Variants in SLC30A6 observed in about 807,000 individuals in gnomAD.
SLC30A6 encodes solute carrier family 30 member 6, also known as zinc transporter 6.
A neutral mutation model predicts 63.0 loss-of-function variants in SLC30A6; 55 were observed. That is an observed-to-expected ratio of 0.87 (90% CI 0.70 to 1.09). SLC30A6 has a LOEUF of 1.09. SLC30A6 is among the 50% of genes least tolerant of loss of function. The probability of loss-of-function intolerance (pLI) is 0.00; values close to 1 mark genes in which losing one functional copy is unlikely to be tolerated. For synonymous variants in SLC30A6, 224 were observed against 186.1 expected, an observed-to-expected ratio of 1.20 and a Z score of -1.66; for missense variants, 587 against 549.2, an observed-to-expected ratio of 1.07 and a Z score of -0.69.
In SLC30A6 at chr2:32,171,337, G is replaced by A. The variant is rs1478404110; in HGVS notation, c.54G>A (p.Leu18=). 6.2e-7 allele frequency: 1 copy of A among 1,613,750 alleles called. No individual in the cohort carries two copies. Among genetic ancestry groups the A allele is most frequent in the East Asian group, 2.2e-5 (1 of 44,808 alleles). Residue 18 remains leucine, a synonymous_variant, in exon 2 of 14, where the codon TTG becomes TTA. Coordinates refer to ENST00000282587, the MANE Select transcript of SLC30A6 (RefSeq NM_017964.5). ...RKPQRSFFGK[L]LREFRLVAAD... ...CACAAAGATCCTTTTTTGGCAAGTT[G>A]TTACGGGAATTTAGACTTGTAGCAG... is the stretch of plus-strand genomic sequence containing the variant.
At chr2:32,169,605 C>T (rs72863940) in intron 1 of SLC30A6, among the ~76,000 whole-genome samples, 72,621 of 152,006 alleles carry the variant, frequency 0.48, 17,619 homozygotes, top group East Asian at 0.65. Flanking sequence ...GGTGAAACCC[C>T]GTCTCTACTA....
intron 2 of SLC30A6, 121 bp downstream of exon 2, chr2:32,171,494 C>A: frequency 1.5e-6 from 1 of 688,384 alleles, no homozygotes; most frequent in Non-Finnish European, 2.4e-6. Context: ...TTTCATTTTT[C>A]TATGTTGGAA....
chr2:32,206,921 A>G lies in SLC30A6; in HGVS notation c.804A>G (p.Lys268=), dbSNP rs1374103449. Residue 268 remains lysine (K), a synonymous_variant, in exon 12 of 14, where the codon AAA becomes AAG. Coordinates refer to ENST00000282587, the MANE Select transcript of SLC30A6 (RefSeq NM_017964.5). ...TPPHVIGQLD[K]LIREVSTLDG... ...CCCATGTTATTGGTCAGTTGGACAAACTCATCAGAGAGGTAAGATGGAATA... is the reference window on the plus strand; with the variant it reads ...CCCATGTTATTGGTCAGTTGGACAAGCTCATCAGAGAGGTAAGATGGAATA... The G allele has an allele frequency of 6.2e-7, 1 of 1,609,586 alleles. No homozygotes were observed. The highest frequency in any genetic ancestry group is 8.5e-7 in the Non-Finnish European group (1 of 1,176,042).
At chr2:32,204,256 C>T (rs1367693047) in intron 10 of SLC30A6, among the ~76,000 whole-genome samples, 1 of 152,096 alleles carries the variant, frequency 6.6e-6, no homozygotes, top group Non-Finnish European at 1.5e-5. Flanking sequence ...TTGTCTGTCT[C>T]AAGCAAATAA....
At chr2:32,183,687 C>CA (rs564803931) in intron 4 of SLC30A6, among the ~76,000 whole-genome samples, 64,879 of 109,768 alleles carry the variant, frequency 0.59, 16,812 homozygotes, top group African/African-American at 0.63. Flanking sequence ...GACTCTGTCT[C>CA]AAAAAAAAAA....
chr2:32,188,863 G>A (rs1683074085), intron 5 of SLC30A6, among the ~76,000 whole-genome samples: 1 of 152,124 alleles, frequency 6.6e-6, no homozygotes, highest in Admixed American at 6.6e-5. Context: ...CCTACCAGAA[G>A]TAACTGGTAA....
intron 8 of SLC30A6, among the ~76,000 whole-genome samples, chr2:32,196,831 C>G (rs560326847): frequency 2.0e-5 from 3 of 152,204 alleles, no homozygotes; most frequent in African/African-American, 7.2e-5. Flanking sequence ...GAGGCCGAGG[C>G]AGGTGGATCA....
intron 8 of SLC30A6, 168 bp from the exon 9 acceptor site, chr2:32,197,176 A>G (rs1200557802): frequency 8.3e-6 from 5 of 605,768 alleles, no homozygotes; most frequent in Non-Finnish European, 1.5e-5. Context: ...AATTAGTGGC[A>G]TAAGGGCATA....
At chr2:32,215,019 T>A (rs1685577659) in intron 13 of SLC30A6, among the ~76,000 whole-genome samples, 1 of 152,206 alleles carries the variant, frequency 6.6e-6, no homozygotes, top group Non-Finnish European at 1.5e-5. Context: ...TGACAGTAGC[T>A]CTCTTACTAT....
chr2:32,213,251 C>G (rs1685412457), intron 13 of SLC30A6, among the ~76,000 whole-genome samples: 1 of 150,854 alleles, frequency 6.6e-6, no homozygotes, highest in African/African-American at 2.4e-5. Flanking sequence ...TTTGTCTCAA[C>G]TGTACTACTC....
At chr2:32,178,529 C>T (rs192823415) in intron 4 of SLC30A6, among the ~76,000 whole-genome samples, 48 of 152,154 alleles carry the variant, frequency 3.2e-4, no homozygotes, top group African/African-American at 4.8e-4. Context: ...AAAAATGAGC[C>T]GGGCATGGTG....
chr2:32,177,987 G>A (rs1310660544), intron 4 of SLC30A6, among the ~76,000 whole-genome samples: 3 of 135,680 alleles, frequency 2.2e-5, no homozygotes, highest in Admixed American at 1.6e-4. Flanking sequence ...TCGCTCTGTC[G>A]CCCAGGCTGG....
intron 1 of SLC30A6, among the ~76,000 whole-genome samples, chr2:32,166,217 A>T (rs998657305): frequency 1.3e-5 from 2 of 152,226 alleles, no homozygotes; most frequent in African/African-American, 2.4e-5. Context: ...CAGCGTCAAC[A>T]ACTAGGCCAC....
Position 32,206,924 on chromosome 2 carries a change from C to T in SLC30A6, c.807C>T (p.Leu269=), listed in dbSNP as rs752372002. 6.2e-7 allele frequency: 1 copy of T among 1,608,664 alleles called. No homozygotes were observed. The highest frequency in any genetic ancestry group is 8.5e-7 in the Non-Finnish European group (1 of 1,175,174). The change falls in exon 12 of 14, where the codon CTC becomes CTT. Residue 269 remains leucine (L), a synonymous_variant. Transcript: ENST00000282587. ...ATGTTATTGGTCAGTTGGACAAACTCATCAGAGAGGTAAGATGGAATAGTA... is the reference window on the plus strand; with the variant it reads ...ATGTTATTGGTCAGTTGGACAAACTTATCAGAGAGGTAAGATGGAATAGTA... The part of the protein sequence containing the change: ...PPHVIGQLDK[L]IREVSTLDGV...
intron 13 of SLC30A6, among the ~76,000 whole-genome samples, chr2:32,211,517 A>C (rs1324785346): frequency 6.6e-6 from 1 of 152,054 alleles, no homozygotes; most frequent in Non-Finnish European, 1.5e-5. Context: ...GGATGCCCAA[A>C]AGATTTTTTT....
intron 4 of SLC30A6, among the ~76,000 whole-genome samples, chr2:32,182,649 T>A (rs1682433391): frequency 6.6e-6 from 1 of 152,182 alleles, no homozygotes; most frequent in African/African-American, 2.4e-5. Context: ...GCTATTTTCT[T>A]CCTGTAGGTC....
At chr2:32,206,745 A>T (rs997618936) in intron 11 of SLC30A6, 141 bp from the exon 12 acceptor site, 3 of 609,994 alleles carry the variant, frequency 4.9e-6, no homozygotes, top group Non-Finnish European at 9.0e-6. Context: ...GCCAGTTGAA[A>T]CCTCTCTTCT....
In SLC30A6 at chr2:32,222,122, T is replaced by C. The variant is rs1425430073; in HGVS notation, c.*1409T>C. The stretch of plus-strand genomic sequence containing the variant: ...AAAAATGGGAAATTGTTAACTGTGA[T>C]GAAATGTGAGAATTACATAGATTAT... On this transcript the variant is annotated 3_prime_UTR_variant, in exon 14 of 14. Coordinates refer to ENST00000282587, the MANE Select transcript of SLC30A6 (RefSeq NM_017964.5). The C allele has an allele frequency of 6.6e-6, 1 of 152,178 alleles. No homozygotes were observed. Among genetic ancestry groups the C allele is most frequent in the African/African-American group, 2.4e-5 (1 of 41,414 alleles). The allele number at this position is 152,178 out of a possible 1,614,324, so 9.4% of individuals were successfully genotyped here.
chr2:32,174,152 G>A lies in SLC30A6; in HGVS notation c.175+5G>A, dbSNP rs1428362389. On this transcript the variant is annotated splice_donor_5th_base_variant and intron_variant, in intron 3 of 13. Transcript: ENST00000282587. ...GCAGTTCTACTAATAGTATAGGTAT[G>A]TCACCTTTGTATTTTTATGGAGTTG... 1 of 1,601,360 alleles carries A rather than the reference G, an allele frequency of 6.2e-7. No homozygotes were observed. Among genetic ancestry groups the A allele is most frequent in the Non-Finnish European group, 8.5e-7 (1 of 1,173,232 alleles).
Sources: gnomAD v4.1 joint callset for allele counts (sites outside exome capture counted in the v4.1 genomes callset) on GRCh38, gnomAD v4.1.1 for gene constraint, MANE v1.5 for transcripts, NCBI Gene and HGNC (gene_info 2026-07-23, HGNC 2026-07-21) for gene names.